The following CAMTA1 variants were observed in gnomAD, a reference collection of about 807,000 sequenced individuals.
CAMTA1 encodes the protein calmodulin binding transcription activator 1.
In CAMTA1, 27 loss-of-function variants were observed where a neutral mutation model predicts 170.9. The observed-to-expected ratio is 0.16, with a 90% CI of 0.12 to 0.22. The LOEUF is 0.22. Ranked by LOEUF, CAMTA1 falls within the 10% of genes least tolerant of loss-of-function variation. The pLI, the probability that CAMTA1 is intolerant of heterozygous loss-of-function variation, is 1.00. For missense variants in CAMTA1, 1,619 were observed against 2,217.2 expected (o/e 0.73, Z 5.42); for synonymous variants, 833 against 891.5 (o/e 0.93, Z 1.17).
At chr1:7,595,923 G>T (rs1254557290) in intron 6 of CAMTA1, among the ~76,000 whole-genome samples, 1 of 152,174 alleles carries the variant, frequency 6.6e-6, no homozygotes, top group Non-Finnish European at 1.5e-5. Context: ...CAAGGAACGT[G>T]CAGCCTCCCA....
chr1:7,665,609 G>A lies in CAMTA1; in HGVS notation c.2652+410G>A, dbSNP rs1227279996. ...GCCTGCCTATGGTCCCAGCTATTCT[G>A]GAGGCTGAGTCCGGAGGAGCACTTG... On this transcript the variant is annotated intron_variant, in intron 9 of 22. Transcript: ENST00000303635. This position sits in a 1 kb window ranked among gnomAD's most constrained non-coding sequence, Gnocchi z 4.3. Among the ~76,000 whole-genome samples, 3 of 152,122 alleles carry A rather than the reference G, an allele frequency of 2.0e-5. No individual in the cohort carries two copies. Among genetic ancestry groups the A allele is most frequent in the African/African-American group, 7.2e-5 (3 of 41,402 alleles).
intron 6 of CAMTA1, among the ~76,000 whole-genome samples, chr1:7,577,927 A>G (rs2095216986): frequency 6.6e-6 from 1 of 152,168 alleles, no homozygotes; most frequent in Non-Finnish European, 1.5e-5. Flanking sequence ...TTTCAAAACT[A>G]TAGTTGAAGG....
At chr1:7,360,830 G>A (rs1008338975) in intron 5 of CAMTA1, among the ~76,000 whole-genome samples, 2 of 152,228 alleles carry the variant, frequency 1.3e-5, no homozygotes, top group African/African-American at 2.4e-5. Flanking sequence ...CTTTCTCCAC[G>A]CCGGAGTTGC....
chr1:7,357,442 C>T (rs1366261601), intron 5 of CAMTA1, among the ~76,000 whole-genome samples: 1 of 152,228 alleles, frequency 6.6e-6, no homozygotes. Context: ...GGCACTGCCC[C>T]ACCTGGCTGC....
At chr1:6,794,501 T>TA (rs957958894) in intron 1 of CAMTA1, among the ~76,000 whole-genome samples, 33 of 152,072 alleles carry the variant, frequency 2.2e-4, no homozygotes, top group Non-Finnish European at 4.1e-4. Context: ...TTGCTTAAAT[T>TA]AAAAAAAATC....
chr1:7,548,011 G>A (rs1349290754), intron 6 of CAMTA1, among the ~76,000 whole-genome samples: 1 of 152,196 alleles, frequency 6.6e-6, no homozygotes, highest in Non-Finnish European at 1.5e-5. Flanking sequence ...GACAGGAAGG[G>A]TTCCTGCCAC....
chr1:6,991,285 C>A (rs897666909), intron 3 of CAMTA1, among the ~76,000 whole-genome samples: 1 of 151,782 alleles, frequency 6.6e-6, no homozygotes, highest in Non-Finnish European at 1.5e-5. Context: ...GCTGTGTTTT[C>A]TTTTTTTTAA....
At chr1:7,676,383 G>A (rs1233214225) in intron 10 of CAMTA1, among the ~76,000 whole-genome samples, 5 of 152,218 alleles carry the variant, frequency 3.3e-5, no homozygotes, top group Admixed American at 6.5e-5. Context: ...AGTGACTCCC[G>A]AAGGCCTTCC....
chr1:7,275,096 C>T (rs555704055), intron 5 of CAMTA1, among the ~76,000 whole-genome samples: 16 of 136,264 alleles, frequency 1.2e-4, no homozygotes, highest in South Asian at 2.3e-4. Flanking sequence ...GAGCCGAGAT[C>T]GCAACACTGC....
intron 4 of CAMTA1, among the ~76,000 whole-genome samples, chr1:7,233,584 T>C (rs1026704898): frequency 6.6e-6 from 1 of 152,220 alleles, no homozygotes; most frequent in African/African-American, 2.4e-5. Context: ...GCTCATTTGA[T>C]GAGGACTTAT....
intron 11 of CAMTA1, among the ~76,000 whole-genome samples, chr1:7,718,875 C>A (rs1239012740): frequency 1.1e-5 from 1 of 93,154 alleles, no homozygotes; most frequent in African/African-American, 3.8e-5. Flanking sequence ...TTTTTAAAGA[C>A]CTCATTAGTC....
At chr1:7,552,182 G>A (rs1451324092) in intron 6 of CAMTA1, among the ~76,000 whole-genome samples, 4 of 95,010 alleles carry the variant, frequency 4.2e-5, no homozygotes, top group Non-Finnish European at 5.3e-5. Context: ...GCCTTCTGAA[G>A]GCCACCACAC....
chr1:7,382,561 A>G (rs1391604536), intron 5 of CAMTA1: 2 of 152,120 alleles, frequency 1.3e-5, no homozygotes, highest in African/African-American at 4.8e-5. Context: ...TTTATTCTAC[A>G]CTTCATAGTT....
At chr1:6,880,974 A>G (rs1472813649) in intron 3 of CAMTA1, among the ~76,000 whole-genome samples, 1 of 152,168 alleles carries the variant, frequency 6.6e-6, no homozygotes. Context: ...TTGCGTGCTT[A>G]TATATGCCAA....
In CAMTA1 at chr1:7,249,767, G is replaced by A; in HGVS notation, c.438+141G>A. On this transcript the variant is annotated intron_variant, in intron 5 of 22. Transcript: ENST00000303635. The surrounding 1 kb of genome is among the most constrained non-coding windows in gnomAD (Gnocchi z 4.4). ...TGCCAAGACCCTGGTTTTTGCTTTT[G>A]TTTCGTTTTTCTACCTTCTTACCCT... 5.9e-6 allele frequency: 6 copies of A among 1,025,328 alleles called. No homozygotes were observed. The highest frequency in any genetic ancestry group is 8.3e-6 in the Non-Finnish European group (6 of 721,644). 63.5% of individuals were successfully genotyped at this position (1,025,328 alleles called of 1,614,324 possible).
chr1:7,154,667 G>A (rs893883270), intron 4 of CAMTA1, among the ~76,000 whole-genome samples: 10 of 152,284 alleles, frequency 6.6e-5, no homozygotes, highest in African/African-American at 2.4e-4. Context: ...TGGGGTTCCA[G>A]GCATGTGACA....
At position 7,633,024 on chromosome 1, in the gene CAMTA1, C is replaced by G. The variant is rs760323162; in HGVS notation, c.511-7376C>G. On this transcript the variant is annotated intron_variant, in intron 6 of 22. Coordinates refer to ENST00000303635, the MANE Select transcript of CAMTA1 (RefSeq NM_015215.4). This position sits in a 1 kb window ranked among gnomAD's most constrained non-coding sequence, Gnocchi z 4.1. ...CTGAGCCCTCTGCCTGCCTCACCCC[C>G]TCCTGGCAAGGTTCAGGCTAGCACT... Among the ~76,000 whole-genome samples, 4 of 152,248 alleles carry G rather than the reference C, an allele frequency of 2.6e-5. No individual in the cohort carries two copies. Among genetic ancestry groups the G allele is most frequent in the Non-Finnish European group, 4.4e-5 (3 of 68,036 alleles).
intron 4 of CAMTA1, among the ~76,000 whole-genome samples, chr1:7,191,685 C>T (rs1352101818): frequency 6.6e-6 from 1 of 152,164 alleles, no homozygotes. Context: ...ACATCTGGTA[C>T]AGCTGCAAGG....
chr1:7,139,275 ATATAT>A (rs1558155235), intron 4 of CAMTA1, among the ~76,000 whole-genome samples: 1 of 142,866 alleles, frequency 7.0e-6, no homozygotes, highest in East Asian at 2.0e-4. Flanking sequence ...CATAATATAA[ATATAT>A]TTATATTTAT....
Sources: gnomAD v4.1 joint callset for allele counts (sites outside exome capture counted in the v4.1 genomes callset) on GRCh38, gnomAD v4.1.1 for gene constraint, Gnocchi (gnomAD v3.1) non-coding constraint, MANE v1.5 for transcripts, NCBI Gene and HGNC (gene_info 2026-07-23, HGNC 2026-07-21) for gene names.